Variants in MYT1L observed in about 807,000 individuals in gnomAD.
The protein encoded by MYT1L is myelin transcription factor 1-like protein.
Under a neutral mutation model 126.7 loss-of-function variants are expected in MYT1L, and 12 were observed. That is an observed-to-expected ratio of 0.09 (90% CI 0.06 to 0.15). The LOEUF (loss-of-function observed/expected upper bound fraction) is 0.15. Ranked by LOEUF, MYT1L falls within the 10% of genes least tolerant of loss-of-function variation. The pLI is 1.00. For missense variants in MYT1L, 979 were observed against 1,585.2 expected (o/e 0.62, Z 6.49); for synonymous variants, 541 against 604.2 (o/e 0.90, Z 1.53).
intron 4 of MYT1L, among the ~76,000 whole-genome samples, chr2:2,018,567 C>T (rs547420394): frequency 2.0e-5 from 3 of 152,322 alleles, no homozygotes; most frequent in Admixed American, 6.5e-5. Context: ...CCGGCCAGGC[C>T]GCTCATCGGA....
At chr2:1,966,699 T>G (rs2059387873) in intron 8 of MYT1L, among the ~76,000 whole-genome samples, 1 of 151,772 alleles carries the variant, frequency 6.6e-6, no homozygotes, top group South Asian at 2.1e-4. Flanking sequence ...AGCCACAGGA[T>G]GAAAGCCAGC....
intron 4 of MYT1L, among the ~76,000 whole-genome samples, chr2:2,023,354 G>A (rs1372523201): frequency 6.6e-6 from 1 of 152,242 alleles, no homozygotes; most frequent in Non-Finnish European, 1.5e-5. Context: ...GGGGCAGCCT[G>A]TTTCCCAGGA....
chr2:2,286,261 A>G (rs911074358), intron 1 of MYT1L, among the ~76,000 whole-genome samples: 7 of 152,138 alleles, frequency 4.6e-5, no homozygotes, highest in African/African-American at 1.7e-4. Flanking sequence ...GATTACAGGC[A>G]TGGGATTACC....
chr2:2,192,417 ATTTT>A (rs33963632), intron 2 of MYT1L, among the ~76,000 whole-genome samples: 69 of 145,040 alleles, frequency 4.8e-4, no homozygotes, highest in African/African-American at 1.4e-3. Context: ...TGTTAGTTTC[ATTTT>A]TTTTTTTTTT....
intron 23 of MYT1L, among the ~76,000 whole-genome samples, chr2:1,799,323 C>T (rs769476366): frequency 6.6e-5 from 10 of 152,180 alleles, no homozygotes; most frequent in Admixed American, 6.5e-5. Context: ...AGGTGCAGAG[C>T]GTGCCTGGGG....
At chr2:2,029,574 T>C (rs1490939735) in intron 4 of MYT1L, among the ~76,000 whole-genome samples, 1 of 152,120 alleles carries the variant, frequency 6.6e-6, no homozygotes, top group Non-Finnish European at 1.5e-5. Context: ...CAATTTAAGG[T>C]GAGACTTGGG....
chr2:2,084,447 C>T (rs547705937), intron 3 of MYT1L, among the ~76,000 whole-genome samples: 9 of 152,360 alleles, frequency 5.9e-5, no homozygotes, highest in African/African-American at 2.2e-4. Context: ...ACACTGAGAG[C>T]TCCCCTGCAG....
At chr2:2,206,377 A>T (rs2093323277) in intron 2 of MYT1L, among the ~76,000 whole-genome samples, 2 of 152,158 alleles carry the variant, frequency 1.3e-5, no homozygotes, top group South Asian at 2.1e-4. Context: ...ATCCTTTAAA[A>T]ACCAGCCCAC....
intron 3 of MYT1L, among the ~76,000 whole-genome samples, chr2:2,139,593 T>C (rs1031010269): frequency 2.5e-4 from 38 of 151,858 alleles, no homozygotes; most frequent in African/African-American, 9.2e-4. Context: ...AAGCCGAGAT[T>C]GCACCATTGC....
chr2:2,225,349 G>C (rs930454135), intron 2 of MYT1L, among the ~76,000 whole-genome samples: 2 of 152,108 alleles, frequency 1.3e-5, no homozygotes, highest in African/African-American at 4.8e-5. Flanking sequence ...GGCAGGAATG[G>C]GGATGGGACA....
chr2:1,823,433 CTCCGGGG>C (rs1488894649), intron 21 of MYT1L, among the ~76,000 whole-genome samples: 9 of 152,248 alleles, frequency 5.9e-5, no homozygotes, highest in Admixed American at 5.9e-4. Context: ...AGGGCTTCGG[CTCCGGGG>C]TCCTGGAGGA....
At chr2:2,128,122 C>A (rs57085735) in intron 3 of MYT1L, among the ~76,000 whole-genome samples, 55,773 of 151,970 alleles carry the variant, frequency 0.37, 10,854 homozygotes, top group African/African-American at 0.51. Context: ...AGGTCACCAG[C>A]TCTGAGATCG....
chr2:2,141,350 T>G (rs1015210630), intron 3 of MYT1L, among the ~76,000 whole-genome samples: 2 of 152,186 alleles, frequency 1.3e-5, no homozygotes, highest in African/African-American at 4.8e-5. Context: ...CAAGGCTGCT[T>G]AGGAGTTCCC....
chr2:2,231,762 T>TTA (rs1419331275), intron 2 of MYT1L, among the ~76,000 whole-genome samples: 34 of 152,244 alleles, frequency 2.2e-4, no homozygotes, highest in African/African-American at 7.5e-4. Context: ...AACCAATTTT[T>TTA]TATATATATA....
chr2:2,166,596 T>C (rs2089160257), intron 3 of MYT1L, among the ~76,000 whole-genome samples: 1 of 152,230 alleles, frequency 6.6e-6, no homozygotes, highest in African/African-American at 2.4e-5. Flanking sequence ...AATCCCTTTC[T>C]ACCTAAAACA....
chr2:2,140,823 C>A (rs922246063), intron 3 of MYT1L, among the ~76,000 whole-genome samples: 1 of 152,204 alleles, frequency 6.6e-6, no homozygotes, highest in Non-Finnish European at 1.5e-5. Context: ...CTTGCCTCAG[C>A]CTCCCAAAGT....
chr2:2,094,624 G>C (rs1210001752), intron 3 of MYT1L, among the ~76,000 whole-genome samples: 1 of 152,160 alleles, frequency 6.6e-6, no homozygotes, highest in Non-Finnish European at 1.5e-5. Context: ...CCTTTGTAGG[G>C]ACATGGATGA....
intron 4 of MYT1L, among the ~76,000 whole-genome samples, chr2:2,002,856 T>C (rs540854833): frequency 1.2e-4 from 19 of 152,250 alleles, no homozygotes; most frequent in Non-Finnish European, 2.2e-4. Flanking sequence ...TATGAGTGTC[T>C]GGCATTTCCC....
chr2:2,202,101 C>G (rs1007625867), intron 2 of MYT1L, among the ~76,000 whole-genome samples: 6 of 152,140 alleles, frequency 3.9e-5, no homozygotes, highest in Non-Finnish European at 8.8e-5. Flanking sequence ...ATACCAGAAT[C>G]TCTGGGACAC....
Sources: allele counts gnomAD v4.1 joint callset (sites outside exome capture counted in the v4.1 genomes callset), GRCh38; gene constraint gnomAD v4.1.1; transcripts MANE v1.5; gene names NCBI Gene and HGNC (gene_info 2026-07-23, HGNC 2026-07-21).